The following SPATS2 variants were observed in gnomAD, a reference collection of about 807,000 sequenced individuals.
SPATS2 encodes spermatogenesis-associated serine-rich protein 2.
A neutral mutation model predicts 63.7 loss-of-function variants in SPATS2; 38 were observed. That is an observed-to-expected ratio of 0.60 (90% confidence interval 0.46 to 0.78). The LOEUF is 0.78. Among genes scored for constraint, SPATS2 ranks in the 30% least tolerant of loss-of-function variants. The pLI is 0.00. For missense variants in SPATS2, 588 were observed against 666.2 expected (o/e 0.88, Z 1.29); for synonymous variants, 207 against 232.9 (o/e 0.89, Z 1.01).
chr12:49,450,014 A>G (rs1454338399), intron 2 of SPATS2, among the ~76,000 whole-genome samples: 2 of 152,244 alleles, frequency 1.3e-5, no homozygotes, highest in East Asian at 1.9e-4. Context: ...TCTGTTTCTG[A>G]TGTCATGACT....
At chr12:49,437,558 C>T (rs374187722) in intron 2 of SPATS2, among the ~76,000 whole-genome samples, 2 of 151,794 alleles carry the variant, frequency 1.3e-5, no homozygotes, top group African/African-American at 4.8e-5. Context: ...TGAGTGAACG[C>T]GACTCCGTCT....
chr12:49,437,648 G>A (rs1321162386), intron 2 of SPATS2, among the ~76,000 whole-genome samples: 12 of 152,222 alleles, frequency 7.9e-5, no homozygotes, highest in African/African-American at 2.9e-4. Context: ...CCAACACAGC[G>A]AAACCCCGTC....
At chr12:49,438,689 A>G (rs893827126) in intron 2 of SPATS2, among the ~76,000 whole-genome samples, 1 of 152,168 alleles carries the variant, frequency 6.6e-6, no homozygotes, top group Non-Finnish European at 1.5e-5. Context: ...TCTCTCCTCA[A>G]ATTTTAAGTA....
At chr12:49,475,717 C>T (rs763347244) in intron 3 of SPATS2, among the ~76,000 whole-genome samples, 6 of 152,212 alleles carry the variant, frequency 3.9e-5, no homozygotes, top group South Asian at 2.1e-4. Flanking sequence ...GCTGGGATTA[C>T]AGGCATGAGC....
At chr12:49,453,793 A>C (rs150874475) in intron 2 of SPATS2, among the ~76,000 whole-genome samples, 286 of 151,820 alleles carry the variant, frequency 1.9e-3, no homozygotes, top group African/African-American at 6.4e-3. Flanking sequence ...CAACGGAGGA[A>C]GACCCTGGCT....
chr12:49,405,463 T>G (rs1420622958), intron 2 of SPATS2, among the ~76,000 whole-genome samples: 1 of 152,144 alleles, frequency 6.6e-6, no homozygotes, highest in Admixed American at 6.5e-5. Context: ...TTTGGGAGGC[T>G]CAGTTGGGTG....
chr12:49,482,713 C>T (rs1488516418), intron 3 of SPATS2, among the ~76,000 whole-genome samples: 1 of 152,146 alleles, frequency 6.6e-6, no homozygotes, highest in Non-Finnish European at 1.5e-5. Context: ...AATCATTATC[C>T]TAACAGTATT....
At chr12:49,403,543 G>A (rs1172786350) in intron 2 of SPATS2, among the ~76,000 whole-genome samples, 4 of 149,706 alleles carry the variant, frequency 2.7e-5, no homozygotes, top group African/African-American at 7.4e-5. Context: ...CATGAGAATC[G>A]CTTGAATCCA....
At chr12:49,422,911 A>T (rs982420433) in intron 2 of SPATS2, among the ~76,000 whole-genome samples, 2 of 146,432 alleles carry the variant, frequency 1.4e-5, no homozygotes, top group African/African-American at 2.5e-5. Flanking sequence ...GACCCTATTT[A>T]AAAAAAAAAA....
intron 2 of SPATS2, among the ~76,000 whole-genome samples, chr12:49,381,506 G>A (rs1437394112): frequency 6.6e-6 from 1 of 152,148 alleles, no homozygotes; most frequent in Non-Finnish European, 1.5e-5. Flanking sequence ...AATTAGAAAC[G>A]TGTATACATA....
intron 11 of SPATS2, 24 bp from the exon 12 acceptor site, chr12:49,522,727 G>T: frequency 6.3e-7 from 1 of 1,589,754 alleles, no homozygotes; most frequent in Non-Finnish European, 8.6e-7. Flanking sequence ...CTAACCTGGA[G>T]GCCTTTCTTT....
Position 49,451,777 on chromosome 12 carries a change from C to T in SPATS2, c.-243-8993C>T, listed in dbSNP as rs1332580645. 2.6e-5 allele frequency among the ~76,000 whole-genome samples: 4 copies of T among 152,296 alleles called. No homozygotes were observed. The East Asian group carries it at 7.7e-4, about 29-fold the overall frequency. The stretch of plus-strand genomic sequence containing the variant: ...TTTGCCTTTCAACTTGAGAGACTTC[C>T]TTTGGAATTTCTTGTAAGTCAGGTT... On this transcript the variant is annotated intron_variant, in intron 2 of 13. Transcript: ENST00000552918.
rs548745297 is a variant in SPATS2 at position 49,513,507 on chromosome 12, CA to C, written c.840-1046del. Among the ~76,000 whole-genome samples, 79 of 152,174 alleles carry C rather than the reference CA, an allele frequency of 5.2e-4. 1 individual carries two copies. The highest frequency in any genetic ancestry group is 1.8e-3 in the African/African-American group (74 of 41,518). On this transcript the variant is annotated intron_variant, in intron 9 of 13. Transcript: ENST00000552918. ...TTGAAGGCTGTGGGCTCTTTTATAA[CA>C]ACATGGAAAAGCTTTATGTGCCTAT...
intron 4 of SPATS2, among the ~76,000 whole-genome samples, chr12:49,488,488 A>G (rs1235104219): frequency 6.6e-6 from 1 of 151,956 alleles, no homozygotes; most frequent in East Asian, 2.0e-4. Context: ...GCAAAACCCC[A>G]TCTCTACTAA....
intron 2 of SPATS2, among the ~76,000 whole-genome samples, chr12:49,414,369 T>A (rs77228096): frequency 0.092 from 14,030 of 152,210 alleles, 758 homozygotes; most frequent in African/African-American, 0.14. Context: ...CCACCTTAAA[T>A]GTCTTTGACA....
Position 49,468,076 on chromosome 12 carries a change from CTCTCT to C in SPATS2, c.25+7049_25+7053del, listed in dbSNP as rs1181177718. On this transcript the variant is annotated intron_variant, in intron 3 of 13. Transcript: ENST00000552918. ...TTCTTTTCTTTTTCTCTTTTCTTTT[CTCTCT>C]TCTCTTCTCCTTTTCCTTCTCTTCT... 2.4e-3 allele frequency among the ~76,000 whole-genome samples: 358 copies of C among 150,796 alleles called. 1 individual carries two copies. Among genetic ancestry groups the C allele is most frequent in the African/African-American group, 8.3e-3 (341 of 41,152 alleles).
intron 2 of SPATS2, among the ~76,000 whole-genome samples, chr12:49,428,531 G>T (rs1240307841): frequency 1.3e-5 from 2 of 152,100 alleles, no homozygotes; most frequent in Non-Finnish European, 2.9e-5. Context: ...TATAGTATTT[G>T]TTTCTTTGTG....
chr12:49,442,104 A>G (rs1000752066), intron 2 of SPATS2, among the ~76,000 whole-genome samples: 3 of 152,192 alleles, frequency 2.0e-5, no homozygotes, highest in African/African-American at 7.2e-5. Flanking sequence ...CTTTTGTATT[A>G]TAGGATATAA....
At chr12:49,369,199 TG>T (rs879804285) in intron 1 of SPATS2, among the ~76,000 whole-genome samples, 10 of 152,086 alleles carry the variant, frequency 6.6e-5, no homozygotes, top group Non-Finnish European at 1.5e-4. Context: ...GGCTAATTTT[TG>T]TATTTTTAGT....
Sources: allele counts gnomAD v4.1 joint callset (sites outside exome capture counted in the v4.1 genomes callset), GRCh38; gene constraint gnomAD v4.1.1; transcripts MANE v1.5; gene names NCBI Gene and HGNC (gene_info 2026-07-23, HGNC 2026-07-21).